ATP6V0A2: variants seen among roughly 807,000 people sequenced by gnomAD.
ATP6V0A2 encodes V-type proton ATPase 116 kDa subunit a 2.
Under a neutral mutation model 104.4 loss-of-function variants are expected in ATP6V0A2, and 58 were observed. The observed-to-expected ratio is 0.56, with a 90% confidence interval of 0.45 to 0.69. The LOEUF (loss-of-function observed/expected upper bound fraction) is 0.69, where lower values mean the gene tolerates loss of function less well. ATP6V0A2 is among the 30% of genes least tolerant of loss of function. ATP6V0A2 has a pLI of 0.00. For synonymous variants in ATP6V0A2, 376 were observed against 397.9 expected, an observed-to-expected ratio of 0.95 and a Z score of 0.65; for missense variants, 938 against 1,062.9, an observed-to-expected ratio of 0.88 and a Z score of 1.63.
At position 123,727,774 on chromosome 12, in the gene ATP6V0A2, G is replaced by A. The variant is rs189175284; in HGVS notation, c.522-9G>A. 95 of 1,614,018 alleles carry A rather than the reference G, an allele frequency of 5.9e-5. No homozygotes were observed. The African/African-American group carries it at 1.0e-3, about 17-fold the overall frequency. On this transcript the variant is annotated splice_polypyrimidine_tract_variant and intron_variant, in intron 5 of 19. Coordinates refer to ENST00000330342, the MANE Select transcript of ATP6V0A2 (RefSeq NM_012463.4). ...CAGTTGACTACAGGTTGACTTTACT[G>A]TCTCACAGATTTGTGTCTGGCCTAA...
At chr12:123,754,234 G>A in intron 17 of ATP6V0A2, 186 bp from the exon 18 acceptor site, 1 of 629,880 alleles carries the variant, frequency 1.6e-6, no homozygotes, top group Non-Finnish European at 2.9e-6. Context: ...TGGTCATGGA[G>A]CTGGGTAGTG....
intron 17 of ATP6V0A2, chr12:123,754,177 C>T (rs1318417176): frequency 6.7e-6 from 4 of 595,582 alleles, no homozygotes; most frequent in Middle Eastern, 4.0e-4. Context: ...CTGAGGCGTG[C>T]GGTGGGAGTG....
chr12:123,727,615 A>T (rs1224671498), intron 5 of ATP6V0A2, among the ~76,000 whole-genome samples, 168 bp from the exon 6 acceptor site: 1 of 152,178 alleles, frequency 6.6e-6, no homozygotes, highest in Non-Finnish European at 1.5e-5. Flanking sequence ...TCTACCTTTA[A>T]AAAGAAGTTT....
chr12:123,756,174 T>C (rs193194651), intron 18 of ATP6V0A2, among the ~76,000 whole-genome samples: 1 of 151,502 alleles, frequency 6.6e-6, no homozygotes, highest in Admixed American at 6.6e-5. Context: ...TTAACAACAA[T>C]TTTAAAGGCC....
chr12:123,735,603 C>T lies in ATP6V0A2; in HGVS notation c.804C>T (p.Thr268=), dbSNP rs1385367101. 1 of 1,613,370 alleles carries T rather than the reference C, an allele frequency of 6.2e-7. No individual in the cohort carries two copies. The highest frequency in any genetic ancestry group is 8.5e-7 in the Non-Finnish European group (1 of 1,179,718). ...GGGAGATCCAGGAGGGGCTGAACAC[C>T]CGCATCCAGGATCTCTACACTGTGA... is the stretch of plus-strand genomic sequence containing the variant. The part of the protein sequence containing the change: ...ERREIQEGLN[T]RIQDLYTVLH... Residue 268 remains threonine, a synonymous_variant, in exon 8 of 20, where the codon ACC becomes ACT. Transcript: ENST00000330342.
At chr12:123,720,256 A>C (rs1187217193) in intron 2 of ATP6V0A2, among the ~76,000 whole-genome samples, 3 of 152,172 alleles carry the variant, frequency 2.0e-5, no homozygotes, top group African/African-American at 7.2e-5. Context: ...TGTGTGGTTC[A>C]TGTACGTTAG....
At chr12:123,747,845 A>C (rs1029534117) in intron 14 of ATP6V0A2, 120 bp downstream of exon 14, 4 of 689,354 alleles carry the variant, frequency 5.8e-6, no homozygotes, top group African/African-American at 1.8e-5. Context: ...TGTTGTATTT[A>C]CATGATTCTG....
chr12:123,722,585 T>C, intron 3 of ATP6V0A2, 137 bp downstream of exon 3: 1 of 682,874 alleles, frequency 1.5e-6, no homozygotes, highest in Non-Finnish European at 2.7e-6. Flanking sequence ...GCAGAGAGAT[T>C]AAAGACCGCT....
intron 3 of ATP6V0A2, chr12:123,723,206 T>G (rs914849330): frequency 6.6e-6 from 1 of 152,262 alleles, no homozygotes; most frequent in Non-Finnish European, 1.5e-5. Flanking sequence ...TCCAACCAGA[T>G]GAGTAACAGC....
At chr12:123,732,473 A>G (rs962780716) in intron 6 of ATP6V0A2, 1 of 152,534 alleles carries the variant, frequency 6.6e-6, no homozygotes, top group Non-Finnish European at 1.5e-5. Context: ...GAGCCGCACA[A>G]TGGGCCTGTG....
intron 4 of ATP6V0A2, among the ~76,000 whole-genome samples, 168 bp from the exon 5 acceptor site, chr12:123,726,029 C>A (rs1956445588): frequency 6.6e-6 from 1 of 152,092 alleles, no homozygotes; most frequent in African/African-American, 2.4e-5. Flanking sequence ...GGGAAGTTAT[C>A]TTTTCATTTA....
At chr12:123,749,614 G>A (rs889882962) in intron 15 of ATP6V0A2, among the ~76,000 whole-genome samples, 2 of 152,340 alleles carry the variant, frequency 1.3e-5, no homozygotes, top group African/African-American at 4.8e-5. Flanking sequence ...TCCAAAGTGC[G>A]TACGAACGTG....
chr12:123,737,401 T>G (rs1479533742), intron 9 of ATP6V0A2, 130 bp downstream of exon 9: 6 of 920,432 alleles, frequency 6.5e-6, no homozygotes, highest in Admixed American at 6.2e-5. Flanking sequence ...TTCTTTTGTT[T>G]TTTTAAAATA....
At chr12:123,753,284 C>T (rs1336368126) in intron 17 of ATP6V0A2, among the ~76,000 whole-genome samples, 5 of 152,154 alleles carry the variant, frequency 3.3e-5, no homozygotes, top group South Asian at 4.1e-4. Context: ...CCAATGACTG[C>T]GTTCTCAGTC....
intron 17 of ATP6V0A2, among the ~76,000 whole-genome samples, chr12:123,752,855 CT>C (rs536907196): frequency 2.0e-5 from 3 of 152,126 alleles, no homozygotes; most frequent in Non-Finnish European, 2.9e-5. Flanking sequence ...CCTTGGTTGG[CT>C]TTTTTTCTTT....
chr12:123,756,097 A>C (rs1039690161), intron 18 of ATP6V0A2, among the ~76,000 whole-genome samples: 3 of 150,636 alleles, frequency 2.0e-5, no homozygotes, highest in Non-Finnish European at 3.0e-5. Flanking sequence ...AAAAAAAAAA[A>C]AACCGAAAAA....
rs559073160 is a variant in ATP6V0A2 at position 123,760,423 on chromosome 12, A to G, written c.*2391A>G. The G allele has an allele frequency of 3.9e-5, 6 of 152,344 alleles. No individual in the cohort carries two copies. The highest frequency in any genetic ancestry group is 1.4e-4 in the African/African-American group (6 of 41,580). The allele number at this position is 152,344 out of a possible 1,614,324, so 9.4% of individuals were successfully genotyped here. On this transcript the variant is annotated 3_prime_UTR_variant, in exon 20 of 20. Transcript: ENST00000330342. ...GTTTCTCTATAAAGCGATGGGCTCC[A>G]GTGTCATGTTACCAGAGTTATCGCT... is the stretch of plus-strand genomic sequence containing the variant.
Position 123,752,279 on chromosome 12 carries a change from T to A in ATP6V0A2, c.2056-4T>A. The A allele has an allele frequency of 6.2e-7, 1 of 1,614,116 alleles. No homozygotes were observed. Among genetic ancestry groups the A allele is most frequent in the Non-Finnish European group, 8.5e-7 (1 of 1,180,010 alleles). ...CACTGACTCTGTGCTCTTTTGGTTG[T>A]TAGAGTGGCTACACACTTATAAGGA... On this transcript the variant is annotated splice_region_variant and splice_polypyrimidine_tract_variant and intron_variant, in intron 16 of 19. Transcript: ENST00000330342.
chr12:123,732,620 C>T (rs1444022761), intron 6 of ATP6V0A2: 1 of 126,006 alleles, frequency 7.9e-6, no homozygotes, highest in African/African-American at 2.8e-5. Flanking sequence ...GGCTCGCGTC[C>T]TCACCTCCTG....
Sources: gnomAD v4.1 joint callset for allele counts (sites outside exome capture counted in the v4.1 genomes callset) on GRCh38, gnomAD v4.1.1 for gene constraint, MANE v1.5 for transcripts, NCBI Gene and HGNC (gene_info 2026-07-23, HGNC 2026-07-21) for gene names.